The following PLEKHA7 variants were observed in gnomAD, a reference collection of about 807,000 sequenced individuals.
PLEKHA7 encodes pleckstrin homology domain-containing family A member 7.
A neutral mutation model predicts 170.0 loss-of-function variants in PLEKHA7; 104 were observed. That is an observed-to-expected ratio of 0.61 (90% CI 0.52 to 0.72). The LOEUF (loss-of-function observed/expected upper bound fraction) is 0.72. Among genes scored for constraint, PLEKHA7 ranks in the 30% least tolerant of loss-of-function variants. PLEKHA7 has a pLI of 0.00. For missense variants in PLEKHA7, 1,615 were observed against 1,671.7 expected, an observed-to-expected ratio of 0.97 and a Z score of 0.59; for synonymous variants, 648 against 660.8, an observed-to-expected ratio of 0.98 and a Z score of 0.30.
chr11:16,855,903 T>C lies in PLEKHA7; in HGVS notation c.317A>G (p.His106Arg), dbSNP rs1489084136. 1.4e-5 allele frequency: 23 copies of C among 1,613,764 alleles called. No individual in the cohort carries two copies. Among genetic ancestry groups the C allele is most frequent in the East Asian group, 2.2e-5 (1 of 44,892 alleles). The change falls in exon 5 of 27, where the codon CAT becomes CGT. Residue 106 changes from histidine to arginine, a missense_variant. Transcript: ENST00000531066. ...TTGGTTTCTGTCTTGCTTCGACATA[T>C]GTGGATTCGGCCTGTGAGGAGACAG... ...EFILQEEPNP[H>R]MSKQDRNQRP...
chr11:16,806,678 T>C (rs959562902), intron 13 of PLEKHA7, among the ~76,000 whole-genome samples: 8 of 152,204 alleles, frequency 5.3e-5, no homozygotes, highest in Non-Finnish European at 1.2e-4. Context: ...TTTATTCTAG[T>C]CCAGCTCCAG....
chr11:16,971,818 C>G (rs1355566752), intron 3 of PLEKHA7, among the ~76,000 whole-genome samples: 1 of 151,304 alleles, frequency 6.6e-6, no homozygotes, highest in Non-Finnish European at 1.5e-5. Context: ...TTATCATTTT[C>G]CTGGTTTTTT....
At chr11:16,929,064 A>G (rs1163098610) in intron 3 of PLEKHA7, among the ~76,000 whole-genome samples, 2 of 152,184 alleles carry the variant, frequency 1.3e-5, no homozygotes, top group African/African-American at 4.8e-5. Context: ...ACAACATAAA[A>G]TGCTGCTTAA....
intron 13 of PLEKHA7, among the ~76,000 whole-genome samples, chr11:16,808,979 G>C (rs1297304122): frequency 6.6e-6 from 1 of 152,128 alleles, no homozygotes; most frequent in Non-Finnish European, 1.5e-5. Context: ...TGGGTTCCTG[G>C]TTATAAAAAA....
At chr11:16,850,199 ATC>A (rs781690713) in intron 8 of PLEKHA7, among the ~76,000 whole-genome samples, 5 of 152,132 alleles carry the variant, frequency 3.3e-5, no homozygotes, top group Non-Finnish European at 7.3e-5. Flanking sequence ...CTTCTGTTCA[ATC>A]TCTGTTTTAT....
chr11:16,827,366 A>G (rs764594616), intron 9 of PLEKHA7, among the ~76,000 whole-genome samples: 5 of 152,242 alleles, frequency 3.3e-5, no homozygotes, highest in African/African-American at 4.8e-5. Flanking sequence ...AAACTGACTC[A>G]CAGAGAAGAT....
intron 16 of PLEKHA7, 100 bp from the exon 17 acceptor site, chr11:16,801,175 G>C: frequency 9.8e-7 from 1 of 1,016,108 alleles, no homozygotes; most frequent in Non-Finnish European, 1.6e-6. Flanking sequence ...CCAGCCAGGG[G>C]AAGAGGGAAG....
Position 16,816,214 on chromosome 11 carries a change from G to C in PLEKHA7, c.1917C>G (p.Thr639=). 1.2e-6 allele frequency: 2 copies of C among 1,613,906 alleles called. No individual in the cohort carries two copies. Among genetic ancestry groups the C allele is most frequent in the Non-Finnish European group, 1.7e-6 (2 of 1,179,864 alleles). Residue 639 remains threonine, a synonymous_variant, in exon 12 of 27, where the codon ACC becomes ACG. Coordinates refer to ENST00000531066, the MANE Select transcript of PLEKHA7 (RefSeq NM_001329630.2). Reference sequence around the variant, plus strand: ...GTAAACTGGGAGCGCTGACGGTGTGGGTCATGTAACCCATGGAGGGCATGG... The same window carrying C: ...GTAAACTGGGAGCGCTGACGGTGTGCGTCATGTAACCCATGGAGGGCATGG... The part of the protein sequence containing the change: ...RRSMPSMGYM[T]HTVSAPSLHG...
intron 3 of PLEKHA7, among the ~76,000 whole-genome samples, chr11:16,957,025 T>G (rs760679199): frequency 1.3e-5 from 2 of 152,198 alleles, no homozygotes; most frequent in Non-Finnish European, 2.9e-5. Context: ...ATTAGTCACC[T>G]GCTAAGGAAT....
At chr11:16,885,127 G>A (rs375490505) in intron 3 of PLEKHA7, among the ~76,000 whole-genome samples, 1 of 152,126 alleles carries the variant, frequency 6.6e-6, no homozygotes. Context: ...GATCATTTGA[G>A]GTCAGGAGTT....
chr11:16,933,211 T>C (rs1306713445), intron 3 of PLEKHA7, among the ~76,000 whole-genome samples: 2 of 152,230 alleles, frequency 1.3e-5, no homozygotes, highest in East Asian at 3.8e-4. Context: ...AAATGAGTAC[T>C]ATTATAGTCC....
intron 3 of PLEKHA7, among the ~76,000 whole-genome samples, chr11:16,973,882 C>T (rs958682953): frequency 2.6e-5 from 4 of 152,156 alleles, no homozygotes; most frequent in African/African-American, 9.7e-5. Flanking sequence ...CCACTTCCTC[C>T]CTGTGGACCA....
At chr11:16,800,851 G>A (rs1848546345) in intron 17 of PLEKHA7, 123 bp downstream of exon 17, 1 of 797,866 alleles carries the variant, frequency 1.3e-6, no homozygotes, top group Non-Finnish European at 2.1e-6. Context: ...GGAGCATCTG[G>A]GGCTGAGGGG....
At position 16,816,195 on chromosome 11, in the gene PLEKHA7, T is replaced by A; in HGVS notation, c.1936A>T (p.Ser646Cys). Reference protein sequence around the residue: ...GYMTHTVSAPSLHGKSADDTY... With the variant: ...GYMTHTVSAPCLHGKSADDTY... Reference sequence around the variant, plus strand: ...CACCCTACCGATTTTCCATGTAAACTGGGAGCGCTGACGGTGTGGGTCATG... The same window carrying A: ...CACCCTACCGATTTTCCATGTAAACAGGGAGCGCTGACGGTGTGGGTCATG... The change falls in exon 12 of 27, where the codon AGT becomes TGT. Residue 646 changes from serine to cysteine, a missense_variant. Ser to Cys is a moderately radical substitution (Grantham distance 112). Transcript: ENST00000531066. The A allele has an allele frequency of 6.2e-7, 1 of 1,613,320 alleles. No homozygotes were observed.
chr11:16,995,965 C>T (rs1486089181), intron 3 of PLEKHA7, among the ~76,000 whole-genome samples: 1 of 152,138 alleles, frequency 6.6e-6, no homozygotes, highest in African/African-American at 2.4e-5. Flanking sequence ...GCTAACTGGA[C>T]AGTATACACA....
intron 10 of PLEKHA7, among the ~76,000 whole-genome samples, chr11:16,825,885 T>A (rs903111679): frequency 6.6e-6 from 1 of 152,240 alleles, no homozygotes; most frequent in Non-Finnish European, 1.5e-5. Context: ...AGGACTGAAC[T>A]CTGGCCTTAC....
intron 3 of PLEKHA7, among the ~76,000 whole-genome samples, chr11:16,907,706 G>A (rs1325323174): frequency 1.3e-4 from 18 of 136,396 alleles, no homozygotes; most frequent in East Asian, 8.8e-4. Context: ...CTGCCCGGCC[G>A]CCCCTACTGG....
intron 17 of PLEKHA7, among the ~76,000 whole-genome samples, chr11:16,795,525 C>T (rs11024041): frequency 0.17 from 25,842 of 152,122 alleles, 2,515 homozygotes; most frequent in East Asian, 0.28. Flanking sequence ...GGTGCAATGG[C>T]TCTTGTCTGT....
At chr11:16,782,340 T>C (rs1342403932) in intron 26 of PLEKHA7, among the ~76,000 whole-genome samples, 1 of 152,108 alleles carries the variant, frequency 6.6e-6, no homozygotes. Flanking sequence ...GGGGCCCCCT[T>C]CTGCCTTGCC....
Sources: allele counts gnomAD v4.1 joint callset (sites outside exome capture counted in the v4.1 genomes callset), GRCh38; gene constraint gnomAD v4.1.1; transcripts MANE v1.5; gene names NCBI Gene and HGNC (gene_info 2026-07-23, HGNC 2026-07-21).